Variants in SENP7 observed in about 807,000 individuals in gnomAD.
The protein encoded by SENP7 is SUMO specific peptidase 7.
Under a neutral mutation model 141.2 loss-of-function variants are expected in SENP7, and 64 were observed. The ratio of observed to expected loss-of-function variants is 0.45; its 90% CI spans 0.37 to 0.56. SENP7 has a LOEUF of 0.56. Among genes scored for constraint, SENP7 ranks in the 20% least tolerant of loss-of-function variants. The pLI is 0.00. For missense variants in SENP7, 1,025 were observed against 1,212.2 expected (o/e 0.85, Z 2.29); for synonymous variants, 382 against 426.4 (o/e 0.90, Z 1.28).
chr3:101,504,817 G>C (rs2065529314), intron 1 of SENP7, among the ~76,000 whole-genome samples: 2 of 152,144 alleles, frequency 1.3e-5, no homozygotes, highest in Admixed American at 6.5e-5. Context: ...CCAGGAGTTT[G>C]GGACCAGCCT....
At chr3:101,479,118 A>G (rs1387449059) in intron 3 of SENP7, among the ~76,000 whole-genome samples, 1 of 152,254 alleles carries the variant, frequency 6.6e-6, no homozygotes, top group Non-Finnish European at 1.5e-5. Flanking sequence ...AAAAGCTAAA[A>G]GACTTCCCTC....
chr3:101,404,404 A>G (rs1430243971), intron 5 of SENP7, among the ~76,000 whole-genome samples: 3 of 152,222 alleles, frequency 2.0e-5, no homozygotes, highest in Non-Finnish European at 4.4e-5. Context: ...TTTACACCAT[A>G]TATAAAAATT....
intron 6 of SENP7, among the ~76,000 whole-genome samples, chr3:101,380,805 CA>C (rs1182279686): frequency 6.6e-6 from 1 of 151,842 alleles, no homozygotes; most frequent in African/African-American, 2.4e-5. Context: ...TTACTGGCAA[CA>C]CATATAAAAT....
intron 17 of SENP7, among the ~76,000 whole-genome samples, chr3:101,334,406 T>C (rs1380726871): frequency 2.0e-5 from 3 of 152,050 alleles, no homozygotes; most frequent in East Asian, 3.9e-4. Flanking sequence ...ATGGAACTCT[T>C]ATTGCAGGAA....
At chr3:101,501,045 G>C (rs7621830) in intron 2 of SENP7, 25 bp downstream of exon 2, 615,235 of 1,508,784 alleles carry the variant, frequency 0.41, 129,073 homozygotes, top group Admixed American at 0.61. Context: ...AAAGATAATA[G>C]GTTAAAAGCA....
intron 11 of SENP7, among the ~76,000 whole-genome samples, chr3:101,354,495 A>G (rs1032824377): frequency 2.0e-5 from 3 of 152,078 alleles, no homozygotes; most frequent in Middle Eastern, 6.3e-3. Flanking sequence ...CTTATAACTG[A>G]GAATATGCGG....
At chr3:101,344,061 T>C (rs2059393239) in intron 13 of SENP7, 107 bp from the exon 14 acceptor site, 1 of 808,170 alleles carries the variant, frequency 1.2e-6, no homozygotes, top group African/African-American at 1.7e-5. Context: ...TAACCCCAAG[T>C]ATTTTGTATT....
At chr3:101,428,485 G>A (rs192853132) in intron 4 of SENP7, among the ~76,000 whole-genome samples, 3 of 152,098 alleles carry the variant, frequency 2.0e-5, no homozygotes, top group Admixed American at 1.3e-4. Context: ...TGTTGGCTGC[G>A]TAAATGTCTT....
intron 6 of SENP7, among the ~76,000 whole-genome samples, chr3:101,386,016 G>T (rs536110853): frequency 6.6e-6 from 1 of 152,058 alleles, no homozygotes; most frequent in Non-Finnish European, 1.5e-5. Context: ...CTTAAAGAAC[G>T]TCAGTGAACT....
intron 17 of SENP7, among the ~76,000 whole-genome samples, chr3:101,335,563 T>C (rs2059162454): frequency 6.6e-6 from 1 of 152,134 alleles, no homozygotes; most frequent in Admixed American, 6.6e-5. Context: ...AGGATGCCAC[T>C]CACGTAACTT....
At chr3:101,476,184 G>A (rs1321487969) in intron 3 of SENP7, among the ~76,000 whole-genome samples, 1 of 152,002 alleles carries the variant, frequency 6.6e-6, no homozygotes, top group Non-Finnish European at 1.5e-5. Flanking sequence ...ATGTGCCATG[G>A]TGGTTTGCTG....
intron 3 of SENP7, among the ~76,000 whole-genome samples, chr3:101,483,682 T>C (rs891718220): frequency 1.3e-5 from 2 of 152,130 alleles, no homozygotes; most frequent in Non-Finnish European, 2.9e-5. Flanking sequence ...AATATCCACA[T>C]GCAAAAGAAT....
intron 4 of SENP7, among the ~76,000 whole-genome samples, chr3:101,421,237 T>C (rs1055880277): frequency 3.3e-5 from 5 of 152,100 alleles, no homozygotes; most frequent in Non-Finnish European, 7.4e-5. Context: ...TGCATGTATA[T>C]ATGTATATAT....
chr3:101,443,214 C>T (rs974934867), intron 4 of SENP7, among the ~76,000 whole-genome samples: 1 of 152,158 alleles, frequency 6.6e-6, no homozygotes, highest in Non-Finnish European at 1.5e-5. Flanking sequence ...GGAATCCTTT[C>T]CCCATTGCTT....
intron 1 of SENP7, among the ~76,000 whole-genome samples, chr3:101,511,811 GTTTT>G (rs1167381685): frequency 6.7e-6 from 1 of 148,970 alleles, no homozygotes. Flanking sequence ...GGTTTTTTTT[GTTTT>G]TTTTTTGTTG....
chr3:101,368,958 A>G (rs1449645759), intron 7 of SENP7, among the ~76,000 whole-genome samples: 1 of 152,216 alleles, frequency 6.6e-6, no homozygotes, highest in Non-Finnish European at 1.5e-5. Flanking sequence ...ATCATTCACA[A>G]GGTTACCAAT....
chr3:101,392,291 G>A (rs1559760339), intron 6 of SENP7, among the ~76,000 whole-genome samples: 1 of 152,114 alleles, frequency 6.6e-6, no homozygotes, highest in East Asian at 1.9e-4. Flanking sequence ...CCTCTTTCCA[G>A]ATGACATGAC....
rs538071526 is a variant in SENP7, at chr3:101,442,830, A to C, written c.284+16125T>G. On this transcript the variant is annotated intron_variant, in intron 4 of 23. Coordinates refer to ENST00000394095, the MANE Select transcript of SENP7 (RefSeq NM_020654.5). ...TCTGAACTTGAAGACATTTCTTTTG[A>C]AATGAACCAGTCAGACAAAAAAAAA... Among the ~76,000 whole-genome samples the C allele has an allele frequency of 3.3e-5, 5 of 151,640 alleles. 1 individual carries two copies. The South Asian group carries it at 1.0e-3, about 32-fold the overall frequency.
intron 1 of SENP7, among the ~76,000 whole-genome samples, chr3:101,507,923 C>T (rs529809725): frequency 1.6e-4 from 24 of 151,816 alleles, no homozygotes; most frequent in Admixed American, 1.3e-3. Flanking sequence ...GTGGCACTCA[C>T]CTGTAGTCCT....
Sources: gnomAD v4.1 joint callset for allele counts (sites outside exome capture counted in the v4.1 genomes callset) on GRCh38, gnomAD v4.1.1 for gene constraint, MANE v1.5 for transcripts, NCBI Gene and HGNC (gene_info 2026-07-23, HGNC 2026-07-21) for gene names.